The following CLNK variants were observed in gnomAD, a reference collection of about 807,000 sequenced individuals.
CLNK encodes the protein cytokine dependent hematopoietic cell linker, also known as cytokine-dependent hematopoietic cell linker.
Under a neutral mutation model 68.6 loss-of-function variants are expected in CLNK, and 74 were observed. The ratio of observed to expected loss-of-function variants is 1.08; its 90% CI spans 0.89 to 1.31. The LOEUF (loss-of-function observed/expected upper bound fraction) is 1.31, where lower values mean the gene tolerates loss of function less well. CLNK is among the 50% of genes most tolerant of loss of function. CLNK has a pLI of 0.00. For synonymous variants in CLNK, 198 were observed against 172.2 expected (o/e 1.15, Z -1.17); for missense variants, 553 against 515.3 (o/e 1.07, Z -0.71).
intron 13 of CLNK, among the ~76,000 whole-genome samples, chr4:10,527,676 G>A (rs183943104): frequency 1.8e-4 from 28 of 152,302 alleles, no homozygotes; most frequent in Admixed American, 5.2e-4. Flanking sequence ...GTATGGGCAC[G>A]TGTGTACATG....
At chr4:10,513,257 C>T (rs1717676413) in intron 16 of CLNK, among the ~76,000 whole-genome samples, 1 of 152,080 alleles carries the variant, frequency 6.6e-6, no homozygotes, top group Admixed American at 6.5e-5. Flanking sequence ...GTCAAAGAAT[C>T]TGGTGAGAGA....
At chr4:10,561,276 C>T (rs549668234) in intron 7 of CLNK, among the ~76,000 whole-genome samples, 1 of 152,250 alleles carries the variant, frequency 6.6e-6, no homozygotes, top group Non-Finnish European at 1.5e-5. Context: ...AAATTTTGCT[C>T]ACCTTGCCCT....
At chr4:10,663,787 A>C (rs2108890462) in intron 2 of CLNK, among the ~76,000 whole-genome samples, 1 of 152,348 alleles carries the variant, frequency 6.6e-6, no homozygotes, top group African/African-American at 2.4e-5. Context: ...CACCAAGGTA[A>C]GGGTATTAAA....
chr4:10,619,168 T>C (rs1722334882), intron 2 of CLNK, among the ~76,000 whole-genome samples: 1 of 152,212 alleles, frequency 6.6e-6, no homozygotes, highest in Admixed American at 6.5e-5. Flanking sequence ...GGAGCTATAC[T>C]TGCAGGTAGG....
At chr4:10,647,698 T>C (rs1016753267) in intron 2 of CLNK, among the ~76,000 whole-genome samples, 1 of 152,092 alleles carries the variant, frequency 6.6e-6, no homozygotes, top group African/African-American at 2.4e-5. Context: ...TTCCTATATA[T>C]CCAAGTAATT....
At chr4:10,676,407 T>C (rs993935020) in intron 1 of CLNK, among the ~76,000 whole-genome samples, 8 of 150,976 alleles carry the variant, frequency 5.3e-5, no homozygotes, top group African/African-American at 1.9e-4. Context: ...TTTTTTTTTT[T>C]TGAGGGGTAA....
At chr4:10,614,724 A>T (rs1340347812) in intron 2 of CLNK, among the ~76,000 whole-genome samples, 5 of 152,264 alleles carry the variant, frequency 3.3e-5, no homozygotes, top group Non-Finnish European at 7.3e-5. Context: ...TATTTCTCTT[A>T]TCTGCAATAC....
At chr4:10,613,035 C>T (rs917809405) in intron 2 of CLNK, among the ~76,000 whole-genome samples, 2 of 151,920 alleles carry the variant, frequency 1.3e-5, no homozygotes, top group Admixed American at 6.6e-5. Flanking sequence ...CAATGTGGGC[C>T]GAGAATTACT....
intron 3 of CLNK, among the ~76,000 whole-genome samples, chr4:10,597,126 C>T (rs934794127): frequency 3.3e-5 from 5 of 152,148 alleles, no homozygotes; most frequent in Admixed American, 3.3e-4. Context: ...TTTAGAATTC[C>T]AAGACCGCTT....
chr4:10,585,718 G>T (rs1720942057), intron 3 of CLNK, among the ~76,000 whole-genome samples: 1 of 152,208 alleles, frequency 6.6e-6, no homozygotes, highest in Non-Finnish European at 1.5e-5. Flanking sequence ...TCAGGTGGCT[G>T]GGGTGGGATG....
At chr4:10,699,756 C>T in the CLNK span, among the ~76,000 whole-genome samples, 1 of 151,666 alleles carries the variant, frequency 6.6e-6, no homozygotes, top group South Asian at 2.1e-4. Context: ...TCAGATGATC[C>T]ATCCGCCTCA....
chr4:10,619,827 A>T (rs1722364297), intron 2 of CLNK, among the ~76,000 whole-genome samples: 1 of 152,088 alleles, frequency 6.6e-6, no homozygotes, highest in Non-Finnish European at 1.5e-5. Context: ...CAGATGAAGA[A>T]ACTGAGGCTA....
intron 2 of CLNK, among the ~76,000 whole-genome samples, chr4:10,638,801 G>T (rs6448160): frequency 0.31 from 47,682 of 152,022 alleles, 8,389 homozygotes; most frequent in African/African-American, 0.47. Context: ...TTCTGGAGGC[G>T]AGAAATCTGG....
intron 2 of CLNK, among the ~76,000 whole-genome samples, chr4:10,619,181 A>G (rs1722335783): frequency 6.6e-6 from 1 of 152,232 alleles, no homozygotes; most frequent in African/African-American, 2.4e-5. Context: ...CAGGTAGGCG[A>G]ACACCCATGG....
At chr4:10,609,899 T>A (rs1693151966) in intron 2 of CLNK, among the ~76,000 whole-genome samples, 1 of 152,198 alleles carries the variant, frequency 6.6e-6, no homozygotes, top group Non-Finnish European at 1.5e-5. Context: ...GCTAACCAGA[T>A]GCTGAGAGAG....
chr4:10,594,236 A>T (rs1721299169), intron 3 of CLNK, among the ~76,000 whole-genome samples: 1 of 152,182 alleles, frequency 6.6e-6, no homozygotes, highest in Non-Finnish European at 1.5e-5. Flanking sequence ...ACATTTCCCC[A>T]GTGGGGAAAC....
intron 17 of CLNK, among the ~76,000 whole-genome samples, chr4:10,504,746 C>G (rs1717222692): frequency 6.6e-6 from 1 of 152,122 alleles, no homozygotes; most frequent in Non-Finnish European, 1.5e-5. Flanking sequence ...GGTTTGTCCT[C>G]TTAAACTCTG....
chr4:10,707,072 C>T, the CLNK span, among the ~76,000 whole-genome samples: 64 of 152,216 alleles, frequency 4.2e-4, no homozygotes, highest in African/African-American at 1.3e-3. Flanking sequence ...TGAGCCATCG[C>T]GCCTGGCCCC....
At chr4:10,559,726 C>A (rs902346523) in intron 7 of CLNK, among the ~76,000 whole-genome samples, 2 of 152,138 alleles carry the variant, frequency 1.3e-5, no homozygotes, top group Non-Finnish European at 2.9e-5. Flanking sequence ...ATTTCCTGTC[C>A]CTCCCCTGGG....
Sources: gnomAD v4.1 joint callset for allele counts (sites outside exome capture counted in the v4.1 genomes callset) on GRCh38, gnomAD v4.1.1 for gene constraint, MANE v1.5 for transcripts, NCBI Gene and HGNC (gene_info 2026-07-23, HGNC 2026-07-21) for gene names.